CDC25A: variants seen among roughly 807,000 people sequenced by gnomAD.
The protein encoded by CDC25A is M-phase inducer phosphatase 1.
CDC25A carries 17 observed loss-of-function variants against 64.6 expected under a neutral mutation model. That is an observed-to-expected ratio of 0.26 (90% CI 0.18 to 0.39). The LOEUF (loss-of-function observed/expected upper bound fraction) is 0.39, where lower values mean the gene tolerates loss of function less well. Among genes scored for constraint, CDC25A ranks in the 10% least tolerant of loss-of-function variants. The pLI, the probability that CDC25A is intolerant of heterozygous loss-of-function variation, is 1.00. For missense variants in CDC25A, 473 were observed against 654.8 expected, an observed-to-expected ratio of 0.72 and a Z score of 3.03; for synonymous variants, 229 against 238.6, an observed-to-expected ratio of 0.96 and a Z score of 0.37.
At chr3:48,179,501 T>C (rs1009101459) in intron 6 of CDC25A, among the ~76,000 whole-genome samples, 7 of 152,074 alleles carry the variant, frequency 4.6e-5, no homozygotes, top group Admixed American at 2.6e-4. Context: ...TCCCGACTAA[T>C]TGGGACTATA....
intron 9 of CDC25A, among the ~76,000 whole-genome samples, chr3:48,170,646 T>C (rs1391283393): frequency 6.6e-6 from 1 of 152,190 alleles, no homozygotes; most frequent in Non-Finnish European, 1.5e-5. Context: ...GATTAAACCA[T>C]TGGCCATGAG....
chr3:48,183,902 GAGAT>G, intron 3 of CDC25A, 66 bp from the exon 4 acceptor site: 1 of 1,022,502 alleles, frequency 9.8e-7, no homozygotes, highest in Non-Finnish European at 1.5e-6. Flanking sequence ...TATTAGCAGA[GAGAT>G]AGTGTTTAGC....
At position 48,185,354 on chromosome 3, in the gene CDC25A, T is replaced by A. The variant is rs1294842949; in HGVS notation, c.248-659A>T. On this transcript the variant is annotated intron_variant, in intron 2 of 14. Coordinates refer to ENST00000302506, the MANE Select transcript of CDC25A (RefSeq NM_001789.3). ...TCGCTTGAGCTCGGAAAGTTGAAGC[T>A]ACAGTGAACCCTGATTGTGCCACTG... Among the ~76,000 whole-genome samples the A allele has an allele frequency of 4.1e-5, 6 of 145,006 alleles. No homozygotes were observed. The East Asian group carries it at 1.2e-3, about 29-fold the overall frequency.
At position 48,188,029 on chromosome 3, in the gene CDC25A, C is replaced by G; in HGVS notation, c.-82G>C. 8.6e-7 allele frequency: 1 copy of G among 1,165,310 alleles called. No individual in the cohort carries two copies. Among genetic ancestry groups the G allele is most frequent in the Non-Finnish European group, 1.1e-6 (1 of 919,784 alleles). The allele number at this position is 1,165,310 out of a possible 1,614,324, so 72.2% of individuals were successfully genotyped here. A position where few individuals can be genotyped will look rare whatever the true frequency, so the allele number is the denominator to read the frequency against. ...CGCCCCGCCCCGCCGACACCGGCCTCGGCCGCGCGCCACCGGCGCCCGCGG... is the reference window on the plus strand; with the variant it reads ...CGCCCCGCCCCGCCGACACCGGCCTGGGCCGCGCGCCACCGGCGCCCGCGG... On this transcript the variant is annotated 5_prime_UTR_variant, in exon 1 of 15. Coordinates refer to ENST00000302506, the MANE Select transcript of CDC25A (RefSeq NM_001789.3).
chr3:48,177,987 A>G lies in CDC25A; in HGVS notation c.551T>C (p.Leu184Pro), dbSNP rs773402032. The change falls in exon 7 of 15, where the codon CTT becomes CCT. Residue 184 changes from leucine (L) to proline (P), a missense_variant and splice_region_variant. Leu to Pro is a moderately conservative substitution (Grantham distance 98). This residue lies in a region of CDC25A where 376 missense variants were observed against 431.9 expected (regional missense o/e 0.87). Transcript: ENST00000302506. ...QRQNSAPARMLSSNERDSSEP... is the reference protein window; with the variant it reads ...QRQNSAPARMPSSNERDSSEP... ...ACTGCTATCTCTTTCATTTGAGGAA[A>G]GCTGTAAGACAAAATTCATGGATTA... is the stretch of plus-strand genomic sequence containing the variant. 5 of 1,608,122 alleles carry G rather than the reference A, an allele frequency of 3.1e-6. No homozygotes were observed. The highest frequency in any genetic ancestry group is 4.2e-6 in the Non-Finnish European group (5 of 1,176,790).
chr3:48,180,024 A>C (rs2032604455), intron 6 of CDC25A, among the ~76,000 whole-genome samples: 1 of 152,174 alleles, frequency 6.6e-6, no homozygotes, highest in African/African-American at 2.4e-5. Flanking sequence ...TGGCAAATAC[A>C]TAGCCCTGAA....
chr3:48,169,990 C>T (rs904517143), intron 9 of CDC25A, among the ~76,000 whole-genome samples: 1 of 150,896 alleles, frequency 6.6e-6, no homozygotes, highest in Non-Finnish European at 1.5e-5. Context: ...GTCTGGGCGA[C>T]AGAGCGAGAC....
intron 6 of CDC25A, among the ~76,000 whole-genome samples, chr3:48,179,104 T>C (rs1200094186): frequency 6.6e-6 from 1 of 152,202 alleles, no homozygotes; most frequent in Non-Finnish European, 1.5e-5. Flanking sequence ...GCATTAGCTT[T>C]GCTTCACAAT....
At chr3:48,180,892 C>A (rs1176744381) in intron 5 of CDC25A, 52 bp from the exon 6 acceptor site, 1 of 1,599,718 alleles carries the variant, frequency 6.3e-7, no homozygotes. Flanking sequence ...ACTCAGGCCT[C>A]AGCTTGGGTG....
At chr3:48,172,901 C>T (rs186952537) in intron 9 of CDC25A, among the ~76,000 whole-genome samples, 307 of 151,712 alleles carry the variant, frequency 2.0e-3, no homozygotes, top group African/African-American at 7.0e-3. Flanking sequence ...CAACTATGAG[C>T]AATGCAATGA....
chr3:48,177,360 GAAC>G lies in CDC25A; in HGVS notation c.756+8_756+10del. The G allele has an allele frequency of 6.2e-7, 1 of 1,610,822 alleles. No homozygotes were observed. On this transcript the variant is annotated splice_region_variant and intron_variant, in intron 8 of 14. Coordinates refer to ENST00000302506, the MANE Select transcript of CDC25A (RefSeq NM_001789.3). ...CGCAGGGCTTCCTCCAGACACACTA[GAAC>G]AACTCACAAGGTTTGTAGTTCTCAT...
intron 1 of CDC25A, among the ~76,000 whole-genome samples, chr3:48,187,358 G>C (rs1446725130): frequency 6.6e-6 from 1 of 152,238 alleles, no homozygotes; most frequent in African/African-American, 2.4e-5. Flanking sequence ...AAATGCCATG[G>C]TCCTTTGTTG....
chr3:48,158,856 C>A lies in CDC25A; in HGVS notation c.*89G>T. On this transcript the variant is annotated 3_prime_UTR_variant, in exon 15 of 15. Transcript: ENST00000302506. Reference sequence around the variant, plus strand: ...GGCCCCCTCTCCAAATGTCACACAGCTGTCCCCTTTGCTTAAGTTTCTCTG... The same window carrying A: ...GGCCCCCTCTCCAAATGTCACACAGATGTCCCCTTTGCTTAAGTTTCTCTG... 1 of 1,487,818 alleles carries A rather than the reference C, an allele frequency of 6.7e-7. No homozygotes were observed. Among genetic ancestry groups the A allele is most frequent in the Non-Finnish European group, 9.2e-7 (1 of 1,089,510 alleles). 92.2% of individuals were successfully genotyped at this position (1,487,818 alleles called of 1,614,324 possible). A position where few individuals can be genotyped will look rare whatever the true frequency, so the allele number is the denominator to read the frequency against.
intron 13 of CDC25A, among the ~76,000 whole-genome samples, chr3:48,160,997 C>T (rs2031734446): frequency 6.6e-6 from 1 of 151,468 alleles, no homozygotes; most frequent in African/African-American, 2.4e-5. Flanking sequence ...ACTAAAACTA[C>T]AAAAAATTAG....
chr3:48,162,030 C>T (rs2031788845), intron 13 of CDC25A, among the ~76,000 whole-genome samples: 1 of 152,118 alleles, frequency 6.6e-6, no homozygotes, highest in African/African-American at 2.4e-5. Context: ...CACTGCACTC[C>T]AGTCTGGGTG....
At chr3:48,161,884 A>G (rs2031780557) in intron 13 of CDC25A, among the ~76,000 whole-genome samples, 1 of 152,076 alleles carries the variant, frequency 6.6e-6, no homozygotes, top group African/African-American at 2.4e-5. Flanking sequence ...AATGTAGCAA[A>G]ACCCCGTCTC....
chr3:48,172,684 C>T (rs1370498405), intron 9 of CDC25A, among the ~76,000 whole-genome samples: 3 of 152,120 alleles, frequency 2.0e-5, no homozygotes, highest in South Asian at 2.1e-4. Flanking sequence ...CGCAACATGG[C>T]GAAAGCCTGT....
intron 2 of CDC25A, among the ~76,000 whole-genome samples, chr3:48,184,957 G>A (rs933097861): frequency 6.6e-6 from 1 of 152,200 alleles, no homozygotes; most frequent in Non-Finnish European, 1.5e-5. Context: ...GATTTGAGAA[G>A]AGGGTGAATA....
chr3:48,181,728 G>T, intron 5 of CDC25A: 1 of 756,486 alleles, frequency 1.3e-6, no homozygotes, highest in Non-Finnish European at 2.4e-6. Flanking sequence ...TGGAAGTAAA[G>T]ACTGGCTGAA....
Sources: allele counts gnomAD v4.1 joint callset (sites outside exome capture counted in the v4.1 genomes callset), GRCh38; gene constraint gnomAD v4.1.1; regional missense constraint gnomAD v4.1.1; transcripts MANE v1.5; gene names NCBI Gene and HGNC (gene_info 2026-07-23, HGNC 2026-07-21).